DCDC1: variants seen among roughly 807,000 people sequenced by gnomAD.
The protein encoded by DCDC1 is doublecortin domain-containing protein 1.
DCDC1 carries 200 observed loss-of-function variants against 178.3 expected under a neutral mutation model. The ratio of observed to expected loss-of-function variants is 1.12; its 90% CI spans 1.00 to 1.26. The LOEUF is 1.26. Ranked by LOEUF, DCDC1 falls within the 50% of genes most tolerant of loss-of-function variation. DCDC1 has a pLI of 0.00. For synonymous variants in DCDC1, 690 were observed against 604.8 expected (o/e 1.14, Z -2.07); for missense variants, 1,983 against 1,749.2 (o/e 1.13, Z -2.38).
chr11:31,091,361 T>G, intron 17 of DCDC1, 32 bp downstream of exon 17: 1 of 703,020 alleles, frequency 1.4e-6, no homozygotes, highest in East Asian at 2.7e-5. Context: ...TTAGCATTTA[T>G]TATCTTGAGC....
At chr11:31,144,793 T>C (rs546508762) in intron 9 of DCDC1, among the ~76,000 whole-genome samples, 44 of 152,304 alleles carry the variant, frequency 2.9e-4, no homozygotes, top group Non-Finnish European at 2.5e-4. Context: ...TGTCTGAAAG[T>C]GCACTTCACA....
intron 9 of DCDC1, among the ~76,000 whole-genome samples, chr11:31,227,186 T>C (rs1212624428): frequency 6.6e-6 from 1 of 152,098 alleles, no homozygotes; most frequent in African/African-American, 2.4e-5. Flanking sequence ...GGTTGGATAG[T>C]ATATAAAGAA....
At chr11:31,275,947 T>G (rs562385208) in intron 7 of DCDC1, among the ~76,000 whole-genome samples, 1 of 152,256 alleles carries the variant, frequency 6.6e-6, no homozygotes, top group East Asian at 1.9e-4. Context: ...CTTTTGTGCC[T>G]CTGTATATAG....
intron 38 of DCDC1, among the ~76,000 whole-genome samples, chr11:30,869,290 C>T (rs1441235275): frequency 6.6e-6 from 1 of 152,196 alleles, no homozygotes; most frequent in African/African-American, 2.4e-5. Flanking sequence ...ATGTGATGTT[C>T]TATGGATTGA....
chr11:30,955,503 T>A (rs1948718685), intron 20 of DCDC1, among the ~76,000 whole-genome samples: 1 of 152,150 alleles, frequency 6.6e-6, no homozygotes, highest in African/African-American at 2.4e-5. Flanking sequence ...TAACCCCTTT[T>A]CAAATATCAG....
intron 8 of DCDC1, among the ~76,000 whole-genome samples, chr11:31,243,183 A>T (rs944547159): frequency 6.6e-6 from 1 of 151,782 alleles, no homozygotes; most frequent in Non-Finnish European, 1.5e-5. Flanking sequence ...ACGAGCTTAT[A>T]TTCAGAATTA....
intron 17 of DCDC1, among the ~76,000 whole-genome samples, chr11:31,079,567 G>A (rs2135570178): frequency 6.6e-6 from 1 of 152,272 alleles, no homozygotes; most frequent in East Asian, 1.9e-4. Flanking sequence ...TTAAGTGAAG[G>A]CAGTCTTGTG....
At chr11:31,177,633 G>A (rs1318658422) in intron 9 of DCDC1, among the ~76,000 whole-genome samples, 2 of 151,988 alleles carry the variant, frequency 1.3e-5, no homozygotes, top group African/African-American at 2.4e-5. Flanking sequence ...CATGAGACTC[G>A]CCTCACAGTT....
intron 34 of DCDC1, 35 bp downstream of exon 34, chr11:30,899,506 T>C: frequency 7.4e-7 from 1 of 1,346,894 alleles, no homozygotes; most frequent in Non-Finnish European, 9.8e-7. Context: ...CATTTTGAAT[T>C]AAATATGGTT....
intron 36 of DCDC1, among the ~76,000 whole-genome samples, chr11:30,889,822 T>G (rs1943616819): frequency 6.6e-6 from 1 of 152,216 alleles, no homozygotes; most frequent in South Asian, 2.1e-4. Context: ...GTTCAAGCAC[T>G]TGAGTTTAGG....
intron 20 of DCDC1, among the ~76,000 whole-genome samples, chr11:30,968,177 G>T (rs1363337401): frequency 6.6e-6 from 1 of 152,136 alleles, no homozygotes; most frequent in Non-Finnish European, 1.5e-5. Flanking sequence ...GGTGATCAGG[G>T]TAATCATGGG....
At chr11:30,899,414 A>G in intron 34 of DCDC1, 127 bp downstream of exon 34, 1 of 417,362 alleles carries the variant, frequency 2.4e-6, no homozygotes, top group East Asian at 3.7e-5. Context: ...CTGTAAAACA[A>G]TATTTATATA....
rs114863363 is a variant in DCDC1, at chr11:31,040,115, A to G, written c.2591+24354T>C. 4.0e-3 allele frequency among the ~76,000 whole-genome samples: 603 copies of G among 152,286 alleles called. 1 individual carries two copies. Among genetic ancestry groups the G allele is most frequent in the African/African-American group, 0.014 (588 of 41,550 alleles). On this transcript the variant is annotated intron_variant, in intron 20 of 38. Transcript: ENST00000684477. The stretch of plus-strand genomic sequence containing the variant: ...TGGAAGACAGAAATATGGTTATGCA[A>G]AAATGGTCAAAACTAAAAAAAAATT...
chr11:31,016,938 G>A lies in DCDC1; in HGVS notation c.2591+47531C>T, dbSNP rs201632347. On this transcript the variant is annotated intron_variant, in intron 20 of 38. Transcript: ENST00000684477. ...GAATGCAGGAGAAATAATTGGAAAT[G>A]AACCCGAAATGCTCTGCTGTAAAAC... is the stretch of plus-strand genomic sequence containing the variant. Among the ~76,000 whole-genome samples, 9 of 152,272 alleles carry A rather than the reference G, an allele frequency of 5.9e-5. 1 individual carries two copies. The East Asian group carries it at 1.5e-3, about 26-fold the overall frequency.
At chr11:31,286,924 T>G (rs908452099) in intron 7 of DCDC1, among the ~76,000 whole-genome samples, 5 of 152,162 alleles carry the variant, frequency 3.3e-5, no homozygotes, top group African/African-American at 1.2e-4. Flanking sequence ...AGCCCCCTTC[T>G]CCACTTGGCT....
In DCDC1 at chr11:30,894,494, A is replaced by G. The variant is rs1590257988; in HGVS notation, c.4766-110T>C. The stretch of plus-strand genomic sequence containing the variant: ...ATCGTTCCACACAGGAGCATAAGCT[A>G]AAATACTAAATATATCATAAAAGCA... On this transcript the variant is annotated intron_variant, in intron 34 of 38. Transcript: ENST00000684477. The G allele has an allele frequency of 4.2e-6, 6 of 1,424,426 alleles. No homozygotes were observed. In the East Asian group the frequency reaches 1.2e-4, roughly 28 times the overall value. The allele number at this position is 1,424,426 out of a possible 1,614,324, so 88.2% of individuals were successfully genotyped here. A position where few individuals can be genotyped will look rare whatever the true frequency, so the allele number is the denominator to read the frequency against.
intron 20 of DCDC1, among the ~76,000 whole-genome samples, chr11:30,976,643 C>T (rs1359903812): frequency 1.3e-5 from 2 of 151,924 alleles, no homozygotes; most frequent in Non-Finnish European, 2.9e-5. Context: ...TATCATCTCA[C>T]CCCAGTTAGA....
intron 38 of DCDC1, among the ~76,000 whole-genome samples, chr11:30,867,183 C>T (rs1259112942): frequency 6.6e-6 from 1 of 152,186 alleles, no homozygotes; most frequent in Non-Finnish European, 1.5e-5. Context: ...AACTCATTTT[C>T]AGAATTACCA....
chr11:31,173,529 T>C (rs1967534110), intron 9 of DCDC1, among the ~76,000 whole-genome samples: 1 of 152,150 alleles, frequency 6.6e-6, no homozygotes, highest in Non-Finnish European at 1.5e-5. Context: ...GAGTTTCCAA[T>C]TTCACCCTCA....
Sources: gnomAD v4.1 joint callset for allele counts (sites outside exome capture counted in the v4.1 genomes callset) on GRCh38, gnomAD v4.1.1 for gene constraint, MANE v1.5 for transcripts, NCBI Gene and HGNC (gene_info 2026-07-23, HGNC 2026-07-21) for gene names.